ACADL: variants seen among roughly 807,000 people sequenced by gnomAD.
The protein encoded by ACADL is long-chain specific acyl-CoA dehydrogenase, mitochondrial.
A neutral mutation model predicts 56.9 loss-of-function variants in ACADL; 60 were observed. The ratio of observed to expected loss-of-function variants is 1.05; its 90% CI spans 0.86 to 1.31. ACADL has a LOEUF of 1.31. ACADL is among the 50% of genes most tolerant of loss of function. ACADL has a pLI of 0.00. For missense variants in ACADL, 484 were observed against 525.5 expected, an observed-to-expected ratio of 0.92 and a Z score of 0.77; for synonymous variants, 158 against 179.7, an observed-to-expected ratio of 0.88 and a Z score of 0.97.
intron 10 of ACADL, among the ~76,000 whole-genome samples, chr2:210,191,203 G>A (rs1237230129): frequency 1.3e-5 from 2 of 152,098 alleles, no homozygotes; most frequent in East Asian, 3.8e-4. Flanking sequence ...GTGAGCCACC[G>A]CACGTGGCCT....
At chr2:210,213,457 G>T (rs768764355) in intron 4 of ACADL, among the ~76,000 whole-genome samples, 1 of 151,846 alleles carries the variant, frequency 6.6e-6, no homozygotes, top group Non-Finnish European at 1.5e-5. Context: ...CCGAGATCGC[G>T]CCATTGCACT....
chr2:210,210,185 T>C lies in ACADL; in HGVS notation c.603+11A>G, dbSNP rs3764913. The C allele has an allele frequency of 0.33, 528,112 of 1,602,180 alleles. 90,828 individuals carry two copies. The highest frequency in any genetic ancestry group is 0.35 in the Non-Finnish European group (414,081 of 1,169,464). Reference sequence around the variant, plus strand: ...TGAAAAGAAGGGCTATAGAAGTCCTTTTTTACACACCTTGCTTCCATTGAG... The same window carrying C: ...TGAAAAGAAGGGCTATAGAAGTCCTCTTTTACACACCTTGCTTCCATTGAG... On this transcript the variant is annotated intron_variant, in intron 5 of 10. Coordinates refer to ENST00000233710, the MANE Select transcript of ACADL (RefSeq NM_001608.4).
intron 4 of ACADL, among the ~76,000 whole-genome samples, chr2:210,212,548 C>T (rs982645097): frequency 6.6e-6 from 1 of 152,150 alleles, no homozygotes; most frequent in Non-Finnish European, 1.5e-5. Context: ...GACTTTTAGC[C>T]TTCAGAACTG....
Position 210,220,809 on chromosome 2 carries a change from A to AAT in ACADL, c.78-9_78-8dup, listed in dbSNP as rs1384331437. The AAT allele has an allele frequency of 1.9e-6, 3 of 1,584,706 alleles. No homozygotes were observed. The highest frequency in any genetic ancestry group is 1.7e-5 in the Admixed American group (1 of 58,458). On this transcript the variant is annotated splice_polypyrimidine_tract_variant and splice_region_variant and intron_variant, in intron 1 of 10. Coordinates refer to ENST00000233710, the MANE Select transcript of ACADL (RefSeq NM_001608.4). Reference sequence around the variant, plus strand: ...CCCTCCGGAATGAGAACATCTTAAAAATATATATATGCAATAGGAAAAGTA... The same window carrying AAT: ...CCCTCCGGAATGAGAACATCTTAAAAATATATATATATGCAATAGGAAAAGTA...
At chr2:210,197,380 C>A (rs1688727570) in intron 8 of ACADL, among the ~76,000 whole-genome samples, 1 of 152,066 alleles carries the variant, frequency 6.6e-6, no homozygotes, top group Non-Finnish European at 1.5e-5. Context: ...TTTTCTATCT[C>A]CATTTCTATT....
rs1688958997 is a variant in ACADL at position 210,210,341 on chromosome 2, A to G, written c.537-79T>C. On this transcript the variant is annotated intron_variant, in intron 4 of 10. Transcript: ENST00000233710. ...ACAAATGATATAAGTATGTATGTAA[A>G]TTAGATTATTCAAACTGGCTACACC... 7.3e-6 allele frequency: 8 copies of G among 1,094,786 alleles called. No individual in the cohort carries two copies. In the East Asian group the frequency reaches 2.1e-4, roughly 29 times the overall value. The allele number at this position is 1,094,786 out of a possible 1,614,324, so 67.8% of individuals were successfully genotyped here.
At chr2:210,203,664 T>C (rs896901992) in intron 7 of ACADL, among the ~76,000 whole-genome samples, 5 of 152,196 alleles carry the variant, frequency 3.3e-5, no homozygotes, top group African/African-American at 1.2e-4. Context: ...TGACTACCTT[T>C]ATTTTTTTAT....
intron 3 of ACADL, 156 bp downstream of exon 3, chr2:210,217,809 G>T: frequency 1.1e-6 from 1 of 910,686 alleles, no homozygotes; most frequent in Non-Finnish European, 1.7e-6. Context: ...ATGTGCAAGA[G>T]TGCATGAGCG....
chr2:210,202,569 C>T (rs1403733188), intron 8 of ACADL, among the ~76,000 whole-genome samples: 1 of 152,102 alleles, frequency 6.6e-6, no homozygotes, highest in Non-Finnish European at 1.5e-5. Flanking sequence ...CATCCACAAA[C>T]TCACCCTTTC....
At chr2:210,205,915 T>C in intron 5 of ACADL, 119 bp from the exon 6 acceptor site, 2 of 1,168,784 alleles carry the variant, frequency 1.7e-6, no homozygotes, top group East Asian at 2.4e-5. Flanking sequence ...TTGATACCTC[T>C]CTCTGTACCC....
chr2:210,220,914 G>T, intron 1 of ACADL, 112 bp from the exon 2 acceptor site: 3 of 882,168 alleles, frequency 3.4e-6, no homozygotes, highest in South Asian at 3.2e-5. Flanking sequence ...TGAGAGGCAA[G>T]TAGAAAGAGT....
intron 5 of ACADL, among the ~76,000 whole-genome samples, chr2:210,206,345 C>T (rs969690352): frequency 2.6e-5 from 4 of 151,934 alleles, no homozygotes; most frequent in Admixed American, 6.6e-5. Flanking sequence ...GCAGGAGGAT[C>T]GCTTGAGTCC....
At chr2:210,201,424 C>T (rs1411631715) in intron 8 of ACADL, among the ~76,000 whole-genome samples, 1 of 151,922 alleles carries the variant, frequency 6.6e-6, no homozygotes, top group Non-Finnish European at 1.5e-5. Flanking sequence ...TATTTACAAA[C>T]GTTATAAATT....
At chr2:210,219,458 T>C (rs775591993) in intron 2 of ACADL, among the ~76,000 whole-genome samples, 10 of 152,102 alleles carry the variant, frequency 6.6e-5, no homozygotes, top group Non-Finnish European at 1.3e-4. Context: ...AGTGAGACCA[T>C]GTCTTAAAAA....
chr2:210,199,120 T>G (rs1056385776), intron 8 of ACADL, among the ~76,000 whole-genome samples: 6 of 152,164 alleles, frequency 3.9e-5, no homozygotes, highest in African/African-American at 1.2e-4. Flanking sequence ...CTATTTCAAT[T>G]GAATAACTAG....
intron 8 of ACADL, among the ~76,000 whole-genome samples, chr2:210,199,603 T>C (rs1688762687): frequency 6.6e-6 from 1 of 152,074 alleles, no homozygotes. Flanking sequence ...GGTAATAATA[T>C]AGTCATCCTT....
rs1482579311 is a variant in ACADL, at chr2:210,195,356, TAAAAG to T, written c.985-23_985-19del. 3.1e-6 allele frequency: 5 copies of T among 1,605,852 alleles called. No homozygotes were observed. Among genetic ancestry groups the T allele is most frequent in the Non-Finnish European group, 4.3e-6 (5 of 1,173,020 alleles). ...TGCACTGTCTTGAATTTAAAGGAAA[TAAAAG>T]AAAAAAGTGAGCATGGTAGAAATAT... On this transcript the variant is annotated intron_variant, in intron 8 of 10. Coordinates refer to ENST00000233710, the MANE Select transcript of ACADL (RefSeq NM_001608.4).
intron 10 of ACADL, among the ~76,000 whole-genome samples, chr2:210,191,094 G>T (rs890006370): frequency 6.6e-6 from 1 of 151,886 alleles, no homozygotes; most frequent in Non-Finnish European, 1.5e-5. Context: ...TGTATTTTTA[G>T]TAGAAATGGT....
intron 3 of ACADL, 180 bp from the exon 4 acceptor site, chr2:210,216,691 A>G: frequency 1.7e-6 from 1 of 586,322 alleles, no homozygotes; most frequent in Non-Finnish European, 3.0e-6. Context: ...TTCTGGTTCC[A>G]ACACAATAAC....
Sources: allele counts gnomAD v4.1 joint callset (sites outside exome capture counted in the v4.1 genomes callset), GRCh38; gene constraint gnomAD v4.1.1; transcripts MANE v1.5; gene names NCBI Gene and HGNC (gene_info 2026-07-23, HGNC 2026-07-21).